UBE3C: variants seen among roughly 807,000 people sequenced by gnomAD.
UBE3C encodes the protein ubiquitin-protein ligase E3C.
A neutral mutation model predicts 129.4 loss-of-function variants in UBE3C; 42 were observed. The ratio of observed to expected loss-of-function variants is 0.32; its 90% confidence interval spans 0.25 to 0.42. The LOEUF is 0.42. Among genes scored for constraint, UBE3C ranks in the 10% least tolerant of loss-of-function variants. The pLI is 1.00. For missense variants in UBE3C, 1,049 were observed against 1,319.1 expected (o/e 0.80, Z 3.17); for synonymous variants, 510 against 492.4 (o/e 1.04, Z -0.47).
rs1235278756 is a variant in UBE3C, at chr7:157,183,921, G to A, written c.1035G>A (p.Leu345=). 6.2e-7 allele frequency: 1 copy of A among 1,614,054 alleles called. No homozygotes were observed. The highest frequency in any genetic ancestry group is 8.5e-7 in the Non-Finnish European group (1 of 1,180,030). ...EEGLLVYLRV[L]QTFLSQLPVS... ...GGCTGCTGGTGTATTTGCGGGTGCT[G>A]CAGACCTTCCTCTCTCAGTTACCAG... Residue 345 remains leucine, a synonymous_variant, in exon 9 of 23, where the codon CTG becomes CTA. Coordinates refer to ENST00000348165, the MANE Select transcript of UBE3C (RefSeq NM_014671.3).
intron 11 of UBE3C, among the ~76,000 whole-genome samples, chr7:157,202,980 C>T (rs1209192252): frequency 6.6e-6 from 1 of 152,212 alleles, no homozygotes; most frequent in Non-Finnish European, 1.5e-5. Context: ...TGCAATCTAA[C>T]TTGCTGTGTG....
intron 11 of UBE3C, among the ~76,000 whole-genome samples, chr7:157,204,530 G>A (rs1809379958): frequency 6.6e-6 from 1 of 152,006 alleles, no homozygotes; most frequent in Admixed American, 6.6e-5. Context: ...CAACCGAGAA[G>A]CACTATTCTT....
rs1231000016 is a variant in UBE3C at position 157,207,520 on chromosome 7, T to C, written c.1541T>C (p.Ile514Thr). The change falls in exon 12 of 23, where the codon ATA becomes ACA. Residue 514 changes from isoleucine to threonine, a missense_variant. Physicochemically the swap from Ile to Thr is moderately conservative, Grantham distance 89. Around this residue, in one of 4 missense-constraint regions of UBE3C, gnomAD observed 314 missense variants for 416.9 expected, o/e 0.75. Transcript: ENST00000348165. ...SSLFSHSLIS[I>T]HDNEFFGDPI... is the part of the protein sequence containing the mutation. ...TTGTTTAGTCATTCACTAATTTCCA[T>C]ACATGATAACGAATTCTTCGGTGAT... The C allele has an allele frequency of 7.4e-6, 12 of 1,612,934 alleles. No homozygotes were observed. The highest frequency in any genetic ancestry group is 1.1e-5 in the South Asian group (1 of 90,630).
At position 157,268,775 on chromosome 7, in the gene UBE3C, A is replaced by G. The variant is rs1307861015; in HGVS notation, c.*1020A>G. On this transcript the variant is annotated 3_prime_UTR_variant, in exon 23 of 23. Transcript: ENST00000348165. ...AGTCCCTGGTGCACATCCAGGGAAG[A>G]GGAGTGTCGGTAGTTCTTGCAGTAG... The G allele has an allele frequency of 6.5e-6, 1 of 152,698 alleles. No individual in the cohort carries two copies. The highest frequency in any genetic ancestry group is 2.4e-5 in the African/African-American group (1 of 41,454). 9.5% of individuals were successfully genotyped at this position (152,698 alleles called of 1,614,324 possible).
At chr7:157,239,552 C>G (rs1003373) in intron 18 of UBE3C, among the ~76,000 whole-genome samples, 128,585 of 152,102 alleles carry the variant, frequency 0.85, 54,418 homozygotes, top group East Asian at 0.96. Flanking sequence ...GAACCACAGG[C>G]TTGTGATTAG....
rs1288938551 is a variant in UBE3C, at chr7:157,169,096, C to T, written c.169C>T (p.Arg57Ter). ...TGCAATAATTATCCAGTCATTTATT[C>T]GAGGCTATAGAGACAGAAAACAGCA... The part of the protein sequence containing the change: ...KNAIIIQSFI[R>*]GYRDRKQQYS... Residue 57 changes from arginine (R) to a stop codon, truncating the protein, a stop_gained, in exon 3 of 23, where the codon CGA (arginine) becomes TGA (stop). Transcript: ENST00000348165. LOFTEE classifies it high-confidence loss of function. The T allele has an allele frequency of 1.9e-6, 3 of 1,613,368 alleles. No individual in the cohort carries two copies. The highest frequency in any genetic ancestry group is 2.7e-5 in the African/African-American group (2 of 74,840).
intron 13 of UBE3C, among the ~76,000 whole-genome samples, chr7:157,209,970 G>T (rs1378664301): frequency 6.6e-6 from 1 of 152,216 alleles, no homozygotes; most frequent in Non-Finnish European, 1.5e-5. Context: ...CACGAGGTCA[G>T]GAGTTTGAGA....
rs538180792 is a variant in UBE3C at position 157,168,901 on chromosome 7, A to G, written c.121-147A>G. ...GCATAGCTCTTAATATATTAAATGC[A>G]TATTTAGTGGGTGTTACCTTTTAAA... On this transcript the variant is annotated intron_variant, in intron 2 of 22. Coordinates refer to ENST00000348165, the MANE Select transcript of UBE3C (RefSeq NM_014671.3). 65 of 594,876 alleles carry G rather than the reference A, an allele frequency of 1.1e-4. No individual in the cohort carries two copies. In the South Asian group the frequency reaches 1.3e-3, roughly 12 times the overall value. The allele number at this position is 594,876 out of a possible 1,614,324, so 36.8% of individuals were successfully genotyped here.
At position 157,248,510 on chromosome 7, in the gene UBE3C, G is replaced by A; in HGVS notation, c.2624G>A (p.Ser875Asn). 4 of 1,613,338 alleles carry A rather than the reference G, an allele frequency of 2.5e-6. No homozygotes were observed. The highest frequency in any genetic ancestry group is 3.4e-6 in the Non-Finnish European group (4 of 1,180,036). Residue 875 changes from serine (S) to asparagine (N), a missense_variant, in exon 19 of 23, where the codon AGC becomes AAC. Physicochemically the swap from Ser to Asn is conservative, Grantham distance 46. Transcript: ENST00000348165. Reference sequence around the variant, plus strand: ...TATAAGAATTTGCTCTTTCTGAAGAGCTACGAAGACGATGTGGAGGAGCTT... The same window carrying A: ...TATAAGAATTTGCTCTTTCTGAAGAACTACGAAGACGATGTGGAGGAGCTT... ...EVYKNLLFLK[S>N]YEDDVEELGL...
intron 18 of UBE3C, among the ~76,000 whole-genome samples, chr7:157,237,542 C>T (rs900957298): frequency 1.3e-5 from 2 of 152,212 alleles, no homozygotes; most frequent in African/African-American, 4.8e-5. Context: ...GTTATTCCTT[C>T]CTTTTTATTT....
At chr7:157,200,956 G>C (rs182414915) in intron 10 of UBE3C, among the ~76,000 whole-genome samples, 3 of 152,012 alleles carry the variant, frequency 2.0e-5, no homozygotes, top group African/African-American at 7.2e-5. Flanking sequence ...TTATTTTTGA[G>C]ATGTTAACAG....
intron 10 of UBE3C, chr7:157,188,812 T>TA (rs3839846): frequency 1.2e-5 from 5 of 412,798 alleles, no homozygotes; most frequent in African/African-American, 6.1e-5. Flanking sequence ...TTGATTTTTT[T>TA]AAAAAAGTAT....
In UBE3C at chr7:157,269,017, T is replaced by TA. The variant is rs1797154922; in HGVS notation, c.*1265dup. The TA allele has an allele frequency of 6.6e-6, 1 of 152,644 alleles. No homozygotes were observed. Among genetic ancestry groups the TA allele is most frequent in the Non-Finnish European group, 1.5e-5 (1 of 68,044 alleles). The allele number at this position is 152,644 out of a possible 1,614,324, so 9.5% of individuals were successfully genotyped here. A position where few individuals can be genotyped will look rare whatever the true frequency, so the allele number is the denominator to read the frequency against. ...TTGACCATAATTAGCAATATACTTT[T>TA]AAAGTGGGAAAGCTGAATGACACTT... On this transcript the variant is annotated 3_prime_UTR_variant, in exon 23 of 23. Coordinates refer to ENST00000348165, the MANE Select transcript of UBE3C (RefSeq NM_014671.3).
chr7:157,232,122 T>C (rs1346026986), intron 18 of UBE3C, among the ~76,000 whole-genome samples: 1 of 152,200 alleles, frequency 6.6e-6, no homozygotes, highest in Non-Finnish European at 1.5e-5. Flanking sequence ...GACTTCTCCC[T>C]GAGTGTCTCT....
At chr7:157,156,147 G>A (rs1807896671) in intron 1 of UBE3C, among the ~76,000 whole-genome samples, 1 of 151,954 alleles carries the variant, frequency 6.6e-6, no homozygotes, top group Non-Finnish European at 1.5e-5. Context: ...ATTATATTGA[G>A]CTGTTTTTAG....
At position 157,182,233 on chromosome 7, in the gene UBE3C, A is replaced by G. The variant is rs778129384; in HGVS notation, c.896A>G (p.Asn299Ser). ...QTVFPYEPFLNALLLIESRCS... is the reference protein window; with the variant it reads ...QTVFPYEPFLSALLLIESRCS... ...GTTTTCCCTTACGAGCCCTTTCTGA[A>G]TGCACTGTTGTTAATAGAGAGTAGA... The change falls in exon 8 of 23, where the codon AAT (asparagine) becomes AGT (serine). Residue 299 changes from asparagine to serine, a missense_variant. Asn to Ser is a conservative substitution (Grantham distance 46, BLOSUM62 1). Around this residue, in one of 4 missense-constraint regions of UBE3C, gnomAD observed 489 missense variants for 513.8 expected, o/e 0.95. Transcript: ENST00000348165. 3.8e-5 allele frequency: 61 copies of G among 1,614,090 alleles called. No individual in the cohort carries two copies. The South Asian group carries it at 6.4e-4, about 17-fold the overall frequency.
chr7:157,197,292 T>G (rs1341761675), intron 10 of UBE3C, among the ~76,000 whole-genome samples: 2 of 152,186 alleles, frequency 1.3e-5, no homozygotes, highest in African/African-American at 4.8e-5. Flanking sequence ...AAAAGGGGTT[T>G]TCATTTTTTT....
Position 157,255,922 on chromosome 7 carries a change from C to T in UBE3C, c.2951-992C>T, listed in dbSNP as rs528362274. Among the ~76,000 whole-genome samples, 20 of 152,100 alleles carry T rather than the reference C, an allele frequency of 1.3e-4. No individual in the cohort carries two copies. The South Asian group carries it at 4.2e-3, about 32-fold the overall frequency. Reference sequence around the variant, plus strand: ...GGAAAGATGATAAAATTAATTTAGCCACCAAATCATGCTGGGAAAACACCC... The same window carrying T: ...GGAAAGATGATAAAATTAATTTAGCTACCAAATCATGCTGGGAAAACACCC... On this transcript the variant is annotated intron_variant, in intron 21 of 22. Coordinates refer to ENST00000348165, the MANE Select transcript of UBE3C (RefSeq NM_014671.3).
intron 13 of UBE3C, among the ~76,000 whole-genome samples, chr7:157,216,173 C>G (rs1795563152): frequency 6.6e-6 from 1 of 152,120 alleles, no homozygotes; most frequent in African/African-American, 2.4e-5. Flanking sequence ...CAATTGTTTT[C>G]TCTTTGGGAG....
Sources: allele counts gnomAD v4.1 joint callset (sites outside exome capture counted in the v4.1 genomes callset), GRCh38; gene constraint gnomAD v4.1.1; regional missense constraint gnomAD v4.1.1; transcripts MANE v1.5; gene names NCBI Gene and HGNC (gene_info 2026-07-23, HGNC 2026-07-21).